INTS5: variants seen among roughly 807,000 people sequenced by gnomAD.
INTS5 encodes integrator complex subunit 5, also known as KIAA1698.
INTS5 carries 29 observed loss-of-function variants against 60.0 expected under a neutral mutation model. The ratio of observed to expected loss-of-function variants is 0.48; its 90% CI spans 0.36 to 0.66. INTS5 has a LOEUF of 0.66. INTS5 is among the 30% of genes least tolerant of loss of function. The pLI is 0.00. For synonymous variants in INTS5, 588 were observed against 558.8 expected (o/e 1.05, Z -0.74); for missense variants, 1,129 against 1,307.9 (o/e 0.86, Z 2.11).
intron 1 of INTS5, among the ~76,000 whole-genome samples, chr11:62,652,851 C>T (rs999066710): frequency 2.0e-5 from 3 of 152,138 alleles, no homozygotes; most frequent in Non-Finnish European, 4.4e-5. Flanking sequence ...GAAGTCAGGA[C>T]ACTGGGTTTC....
In INTS5 at chr11:62,653,153, C is replaced by A; in HGVS notation, c.80+17G>T. On this transcript the variant is annotated intron_variant, in intron 1 of 1. Coordinates refer to ENST00000330574, the MANE Select transcript of INTS5 (RefSeq NM_030628.2). ...GGGGCCGCGCGATGGGGGGAAGGTG[C>A]CAAGGGCTCTAACTACCTGAGAGGC... The A allele has an allele frequency of 1.6e-6, 2 of 1,241,946 alleles. No individual in the cohort carries two copies. Among genetic ancestry groups the A allele is most frequent in the Non-Finnish European group, 2.0e-6 (2 of 982,208 alleles). 76.9% of individuals were successfully genotyped at this position (1,241,946 alleles called of 1,614,324 possible). A position where few individuals can be genotyped will look rare whatever the true frequency, so the allele number is the denominator to read the frequency against.
chr11:62,647,281 T>G lies in INTS5; in HGVS notation c.2799A>C (p.Gln933His). ...ALGNMHEVFS[Q>H]LAPFEVRLLL... ...GCAGACGCACCTCGAAAGGTGCCAG[T>G]TGGCTAAATACTTCATGCATATTAC... is the stretch of plus-strand genomic sequence containing the variant. Residue 933 changes from glutamine (Q) to histidine (H), a missense_variant, in exon 2 of 2, where the codon CAA becomes CAC. Gln to His is a conservative substitution (Grantham distance 24, BLOSUM62 0). Transcript: ENST00000330574. 6.2e-7 allele frequency: 1 copy of G among 1,614,236 alleles called. No individual in the cohort carries two copies. The highest frequency in any genetic ancestry group is 8.5e-7 in the Non-Finnish European group (1 of 1,180,052).
In INTS5 at chr11:62,647,238, C is replaced by T. The variant is rs748810202; in HGVS notation, c.2842G>A (p.Gly948Ser). 2.8e-5 allele frequency: 46 copies of T among 1,614,106 alleles called. No homozygotes were observed. The highest frequency in any genetic ancestry group is 1.6e-4 in the Middle Eastern group (1 of 6,084). Residue 948 changes from glycine to serine, a missense_variant, in exon 2 of 2, where the codon GGT becomes AGT. By Grantham distance (56) the Gly-to-Ser change is moderately conservative. Transcript: ENST00000330574. ...AAGGGCCCATGCTCCCGGAGAAAAC[C>T]CCAGACACTGAGCAGCAGCAGACGC... Reference protein sequence around the residue: ...EVRLLLLSVWGFLREHGPLPQ... With the variant: ...EVRLLLLSVWSFLREHGPLPQ...
Position 62,648,943 on chromosome 11 carries a change from G to T in INTS5, c.1137C>A (p.Phe379Leu). Reference protein sequence around the residue: ...LSQLQQHLQGFPREELDNMLN... With the variant: ...LSQLQQHLQGLPREELDNMLN... ...ACATGTTGTCCAGCTCCTCTCGGGGGAATCCTTGAAGGTGTTGCTGCAGCT... is the reference window on the plus strand; with the variant it reads ...ACATGTTGTCCAGCTCCTCTCGGGGTAATCCTTGAAGGTGTTGCTGCAGCT... Residue 379 changes from phenylalanine (F) to leucine (L), a missense_variant, in exon 2 of 2, where the codon TTC becomes TTA. This residue lies in a region of INTS5 where 1,070 missense variants were observed against 1,246.1 expected (regional missense o/e 0.86). Transcript: ENST00000330574. This position sits in a 1 kb window ranked among gnomAD's most constrained non-coding sequence, Gnocchi z 4.4. 1 of 1,612,720 alleles carries T rather than the reference G, an allele frequency of 6.2e-7. No homozygotes were observed. Among genetic ancestry groups the T allele is most frequent in the Non-Finnish European group, 8.5e-7 (1 of 1,179,336 alleles).
chr11:62,652,709 G>A (rs768451202), intron 1 of INTS5, among the ~76,000 whole-genome samples: 2 of 152,182 alleles, frequency 1.3e-5, no homozygotes, highest in Middle Eastern at 3.2e-3. Flanking sequence ...AAAGAAGACA[G>A]CATCCTCTAG....
Position 62,647,293 on chromosome 11 carries a change from T to A in INTS5, c.2787A>T (p.Glu929Asp). The change falls in exon 2 of 2, where the codon GAA (glutamate) becomes GAT (aspartate). Residue 929 changes from glutamate (E) to aspartate (D), a missense_variant. By Grantham distance (45) the Glu-to-Asp change is conservative. This residue lies in a region of INTS5 where 1,070 missense variants were observed against 1,246.1 expected (regional missense o/e 0.86). Transcript: ENST00000330574. ...CGAAAGGTGCCAGTTGGCTAAATAC[T>A]TCATGCATATTACCCAGGGCCGGAG... The part of the protein sequence containing the change: ...LLPPALGNMH[E>D]VFSQLAPFEV... 2 of 1,614,202 alleles carry A rather than the reference T, an allele frequency of 1.2e-6. No homozygotes were observed. The highest frequency in any genetic ancestry group is 1.7e-6 in the Non-Finnish European group (2 of 1,180,048).
chr11:62,649,615 C>T lies in INTS5; in HGVS notation c.465G>A (p.Leu155=), dbSNP rs543409264. The change falls in exon 2 of 2, where the codon CTG becomes CTA. Residue 155 remains leucine (L), a synonymous_variant. Transcript: ENST00000330574. The surrounding 1 kb of genome is among the most constrained non-coding windows in gnomAD (Gnocchi z 6.0). The part of the protein sequence containing the change: ...SAWSIDLMGQ[L]SSTYSGQHQR... ...GGTGCTGGCCTGAGTACGTGCTGCT[C>T]AGTTGCCCCATGAGGTCAATGGACC... 1.9e-6 allele frequency: 3 copies of T among 1,614,158 alleles called. No individual in the cohort carries two copies. The East Asian group carries it at 6.7e-5, about 36-fold the overall frequency.
chr11:62,649,898 A>G lies in INTS5; in HGVS notation c.182T>C (p.Leu61Pro). Residue 61 changes from leucine (L) to proline (P), a missense_variant, in exon 2 of 2, where the codon CTC becomes CCC. Transcript: ENST00000330574. The surrounding 1 kb of genome is among the most constrained non-coding windows in gnomAD (Gnocchi z 6.0). ...AGCAGGTGGCAAAGAACGGAGCAGG[A>G]GAAGACCACAGCGAGCATGTTCCCG... Reference protein sequence around the residue: ...SAREHARCGLLLLRSLPPARA... With the variant: ...SAREHARCGLPLLRSLPPARA... 1 of 1,614,190 alleles carries G rather than the reference A, an allele frequency of 6.2e-7. No individual in the cohort carries two copies. Among genetic ancestry groups the G allele is most frequent in the Non-Finnish European group, 8.5e-7 (1 of 1,180,034 alleles).
At chr11:62,650,083 T>C in intron 1 of INTS5, 84 bp from the exon 2 acceptor site, 4 of 1,077,454 alleles carry the variant, frequency 3.7e-6, no homozygotes, top group Non-Finnish European at 5.4e-6. Flanking sequence ...TTGCCTTTTA[T>C]GTTAAATAGG....
At chr11:62,650,793 G>A (rs1226704024) in intron 1 of INTS5, among the ~76,000 whole-genome samples, 7 of 151,210 alleles carry the variant, frequency 4.6e-5, no homozygotes, top group Non-Finnish European at 7.4e-5. Flanking sequence ...CTGCAGTCTC[G>A]AACTCCCAGA....
intron 1 of INTS5, among the ~76,000 whole-genome samples, chr11:62,650,255 T>C (rs193188476): frequency 2.6e-4 from 39 of 151,932 alleles, no homozygotes; most frequent in South Asian, 4.1e-4. Context: ...TAGCTGGGAC[T>C]ACAGGCACCC....
At position 62,653,253 on chromosome 11, in the gene INTS5, G is replaced by A. The variant is rs1944611495; in HGVS notation, c.-4C>T. 4 of 1,242,560 alleles carry A rather than the reference G, an allele frequency of 3.2e-6. No homozygotes were observed. Among genetic ancestry groups the A allele is most frequent in the Non-Finnish European group, 4.1e-6 (4 of 987,392 alleles). The allele number at this position is 1,242,560 out of a possible 1,614,324, so 77.0% of individuals were successfully genotyped here. Reference sequence around the variant, plus strand: ...GAGGGTCGCACAGCGCGGACATCCCGGAGCCCGAGCCGAGCCCGAGGCGCG... The same window carrying A: ...GAGGGTCGCACAGCGCGGACATCCCAGAGCCCGAGCCGAGCCCGAGGCGCG... On this transcript the variant is annotated 5_prime_UTR_variant, in exon 1 of 2. Coordinates refer to ENST00000330574, the MANE Select transcript of INTS5 (RefSeq NM_030628.2).
chr11:62,651,394 C>T (rs959444417), intron 1 of INTS5, among the ~76,000 whole-genome samples: 2 of 151,968 alleles, frequency 1.3e-5, no homozygotes, highest in Non-Finnish European at 1.5e-5. Flanking sequence ...GGATTACAGG[C>T]GTGAGCCACG....
In INTS5 at chr11:62,647,552, C is replaced by T; in HGVS notation, c.2528G>A (p.Arg843Gln). 1 of 1,613,668 alleles carries T rather than the reference C, an allele frequency of 6.2e-7. No individual in the cohort carries two copies. Among genetic ancestry groups the T allele is most frequent in the Non-Finnish European group, 8.5e-7 (1 of 1,179,960 alleles). The stretch of plus-strand genomic sequence containing the variant: ...GAAGCGCCGGCCAATGCGGAGATCC[C>T]GCTCCACGGTGGCCCGGGCGTGTTC... ...PEEHARATVERDLRIGRRFRE... is the reference protein window; with the variant it reads ...PEEHARATVEQDLRIGRRFRE... The change falls in exon 2 of 2, where the codon CGG becomes CAG. Residue 843 changes from arginine to glutamine, a missense_variant. Coordinates refer to ENST00000330574, the MANE Select transcript of INTS5 (RefSeq NM_030628.2).
Position 62,648,456 on chromosome 11 carries a change from G to C in INTS5, c.1624C>G (p.Leu542Val). ...LSLATQLYAG[L>V]VVSLSGLLPL... is the part of the protein sequence containing the mutation. ...AGGAGGCCAGAGAGGCTGACCACTA[G>C]CCCTGCATATAACTGGGTGGCCAAA... Residue 542 changes from leucine (L) to valine (V), a missense_variant, in exon 2 of 2, where the codon CTA (leucine) becomes GTA (valine). By Grantham distance (32) the Leu-to-Val change is conservative. Around this residue, in one of 3 missense-constraint regions of INTS5, gnomAD observed 1,070 missense variants for 1,246.1 expected, o/e 0.86. Transcript: ENST00000330574. This position sits in a 1 kb window ranked among gnomAD's most constrained non-coding sequence, Gnocchi z 4.4. 1.2e-6 allele frequency: 2 copies of C among 1,614,182 alleles called. No individual in the cohort carries two copies. Among genetic ancestry groups the C allele is most frequent in the South Asian group, 2.2e-5 (2 of 91,088 alleles).
chr11:62,653,298 C>T lies in INTS5; in HGVS notation c.-49G>A, dbSNP rs1421187235. 1.7e-6 allele frequency: 2 copies of T among 1,199,788 alleles called. No individual in the cohort carries two copies. Among genetic ancestry groups the T allele is most frequent in the African/African-American group, 1.6e-5 (1 of 63,518 alleles). 74.3% of individuals were successfully genotyped at this position (1,199,788 alleles called of 1,614,324 possible). A position where few individuals can be genotyped will look rare whatever the true frequency, so the allele number is the denominator to read the frequency against. Reference sequence around the variant, plus strand: ...GGCGCGAGCGGCGGAGCGCAGGCGGCGCATGCGCGCTGACAGGAAACGCGA... The same window carrying T: ...GGCGCGAGCGGCGGAGCGCAGGCGGTGCATGCGCGCTGACAGGAAACGCGA... On this transcript the variant is annotated 5_prime_UTR_variant, in exon 1 of 2. Transcript: ENST00000330574.
At chr11:62,650,512 A>C (rs1442481543) in intron 1 of INTS5, among the ~76,000 whole-genome samples, 4 of 151,900 alleles carry the variant, frequency 2.6e-5, no homozygotes, top group Admixed American at 2.6e-4. Context: ...TACTGAGTTC[A>C]AGCAATTCTC....
chr11:62,650,742 C>T (rs1944587031), intron 1 of INTS5, among the ~76,000 whole-genome samples: 1 of 150,150 alleles, frequency 6.7e-6, no homozygotes, highest in African/African-American at 2.5e-5. Flanking sequence ...GGGTCTCTCT[C>T]TGTCACCCAG....
Position 62,648,180 on chromosome 11 carries a change from AG to A in INTS5, c.1899del (p.Pro635LeufsTer14). The A allele has an allele frequency of 6.2e-7, 1 of 1,613,398 alleles. No homozygotes were observed. The highest frequency in any genetic ancestry group is 8.5e-7 in the Non-Finnish European group (1 of 1,179,596). ...EAAASLLAICPFPSEALSPSQ... is the reference protein window; with the variant it reads ...EAAASLLAICXFPSEALSPSQ... Reference sequence around the variant, plus strand: ...GAGGGGGATAAGGCTTCAGAAGGAAAGGGACAAATGGCCAGGAGAGAGGCAG... The same window carrying A: ...GAGGGGGATAAGGCTTCAGAAGGAAAGGACAAATGGCCAGGAGAGAGGCAG... On this transcript the variant is annotated frameshift_variant, in exon 2 of 2. Coordinates refer to ENST00000330574, the MANE Select transcript of INTS5 (RefSeq NM_030628.2). LOFTEE classifies it high-confidence loss of function. The surrounding 1 kb of genome is among the most constrained non-coding windows in gnomAD (Gnocchi z 4.4).
Sources: allele counts gnomAD v4.1 joint callset (sites outside exome capture counted in the v4.1 genomes callset), GRCh38; gene constraint gnomAD v4.1.1; regional missense constraint gnomAD v4.1.1; non-coding constraint Gnocchi (gnomAD v3.1); transcripts MANE v1.5; gene names NCBI Gene and HGNC (gene_info 2026-07-23, HGNC 2026-07-21).